Variants in NRCAM observed in about 807,000 individuals in gnomAD.
NRCAM encodes the protein neuronal cell adhesion molecule, also known as NgCAM-related cell adhesion molecule.
A neutral mutation model predicts 156.5 loss-of-function variants in NRCAM; 83 were observed. The observed-to-expected ratio is 0.53, with a 90% CI of 0.44 to 0.64. The LOEUF (loss-of-function observed/expected upper bound fraction) is 0.64. NRCAM is among the 30% of genes least tolerant of loss of function. NRCAM has a pLI of 0.00. For synonymous variants in NRCAM, 538 were observed against 563.9 expected (o/e 0.95, Z 0.65); for missense variants, 1,417 against 1,597.3 (o/e 0.89, Z 1.92).
At chr7:108,361,980 G>A (rs146325535) in intron 2 of NRCAM, among the ~76,000 whole-genome samples, 198 of 152,158 alleles carry the variant, frequency 1.3e-3, no homozygotes, top group African/African-American at 3.6e-3. Flanking sequence ...AGTTGAAAAC[G>A]TATGTCAACA....
At chr7:108,409,222 C>A (rs530621515) in intron 1 of NRCAM, among the ~76,000 whole-genome samples, 1 of 152,304 alleles carries the variant, frequency 6.6e-6, no homozygotes, top group South Asian at 2.1e-4. Context: ...AGACTGCTGA[C>A]CACTATCACT....
intron 25 of NRCAM, among the ~76,000 whole-genome samples, chr7:108,179,461 A>C (rs2062346024): frequency 6.6e-6 from 1 of 152,210 alleles, no homozygotes; most frequent in South Asian, 2.1e-4. Context: ...TACAGAAGCT[A>C]TCTGGCCATT....
intron 2 of NRCAM, among the ~76,000 whole-genome samples, chr7:108,336,885 T>C (rs186800583): frequency 2.6e-5 from 4 of 152,324 alleles, no homozygotes; most frequent in East Asian, 1.9e-4. Flanking sequence ...CTAGATAAGA[T>C]AGAAAATTCT....
intron 1 of NRCAM, among the ~76,000 whole-genome samples, chr7:108,424,320 G>T (rs563578385): frequency 1.4e-4 from 21 of 152,318 alleles, no homozygotes; most frequent in Admixed American, 3.9e-4. Flanking sequence ...TAGCCATTCT[G>T]TTCAGTAAGA....
chr7:108,313,273 G>A (rs1437859937), intron 2 of NRCAM: 1 of 152,154 alleles, frequency 6.6e-6, no homozygotes, highest in African/African-American at 2.4e-5. Context: ...CCTCTCGTCA[G>A]CCTCAATGTT....
At chr7:108,396,139 T>A (rs1279789271) in intron 2 of NRCAM, among the ~76,000 whole-genome samples, 1 of 152,158 alleles carries the variant, frequency 6.6e-6, no homozygotes, top group Non-Finnish European at 1.5e-5. Flanking sequence ...GTGTCTATCA[T>A]GCAGCGAATA....
In NRCAM at chr7:108,313,559, A is replaced by C. The variant is rs191429528; in HGVS notation, c.-173-828T>G. Among the ~76,000 whole-genome samples, 407 of 152,360 alleles carry C rather than the reference A, an allele frequency of 2.7e-3. 3 individuals are homozygous for C. The highest frequency in any genetic ancestry group is 3.6e-3 in the Non-Finnish European group (245 of 68,034). On this transcript the variant is annotated intron_variant, in intron 2 of 32. Transcript: ENST00000379028. The stretch of plus-strand genomic sequence containing the variant: ...AAATATTAGGACAACTATGAAACAC[A>C]AAATTATTCCGTTAATAAAAGATGC...
intron 11 of NRCAM, among the ~76,000 whole-genome samples, chr7:108,219,131 A>G (rs776939836): frequency 2.0e-5 from 3 of 152,174 alleles, no homozygotes; most frequent in Non-Finnish European, 4.4e-5. Context: ...AATTCCTGGA[A>G]AAATACAACC....
At chr7:108,432,037 A>C (rs189939470) in intron 1 of NRCAM, among the ~76,000 whole-genome samples, 3 of 152,334 alleles carry the variant, frequency 2.0e-5, no homozygotes, top group Middle Eastern at 3.4e-3. Flanking sequence ...GGAGGGAAGA[A>C]GACAGGCAAT....
At chr7:108,340,692 C>T (rs1389181976) in intron 2 of NRCAM, among the ~76,000 whole-genome samples, 1 of 152,150 alleles carries the variant, frequency 6.6e-6, no homozygotes, top group African/African-American at 2.4e-5. Context: ...GGAAAAAGCC[C>T]ATGAATTATT....
intron 3 of NRCAM, among the ~76,000 whole-genome samples, chr7:108,303,165 T>A (rs1212713583): frequency 6.6e-6 from 1 of 152,128 alleles, no homozygotes; most frequent in East Asian, 1.9e-4. Context: ...TTTCACCATG[T>A]TGGCCAGGCT....
intron 30 of NRCAM, among the ~76,000 whole-genome samples, chr7:108,163,648 TAAAAGAGG>T (rs1190399183): frequency 6.6e-6 from 1 of 151,472 alleles, no homozygotes; most frequent in Admixed American, 6.6e-5. Context: ...GGGACAGAGG[TAAAAGAGG>T]AAGGGGAGGT....
chr7:108,316,755 C>T (rs999591613), intron 2 of NRCAM, among the ~76,000 whole-genome samples: 5 of 151,226 alleles, frequency 3.3e-5, no homozygotes, highest in African/African-American at 1.2e-4. Context: ...CACCACTGCA[C>T]TCCAGCCTGG....
At chr7:108,209,038 G>A (rs113046965) in intron 12 of NRCAM, among the ~76,000 whole-genome samples, 5 of 152,220 alleles carry the variant, frequency 3.3e-5, no homozygotes, top group African/African-American at 1.2e-4. Context: ...AACTTCCCCA[G>A]TAATTAATTT....
In NRCAM at chr7:108,231,014, A is replaced by G. The variant is rs770603442; in HGVS notation, c.550+17T>C. On this transcript the variant is annotated intron_variant, in intron 8 of 32. Transcript: ENST00000379028. ...TAAGACTTTTAAAGAAAGAAAGTTC[A>G]TATTATCAAAACTTACAATTATCCA... 4.4e-6 allele frequency: 7 copies of G among 1,578,994 alleles called. No individual in the cohort carries two copies. The highest frequency in any genetic ancestry group is 1.1e-5 in the South Asian group (1 of 89,448).
At chr7:108,243,195 G>A (rs1473399541) in intron 3 of NRCAM, 1 of 151,966 alleles carries the variant, frequency 6.6e-6, no homozygotes, top group African/African-American at 2.4e-5. Context: ...AGAGGAGGAC[G>A]AAGCAATGGT....
intron 3 of NRCAM, among the ~76,000 whole-genome samples, chr7:108,299,793 G>A (rs114173573): frequency 0.01 from 1,541 of 152,252 alleles, 23 homozygotes; most frequent in African/African-American, 0.035. Context: ...GCATTCTGGT[G>A]GGCACATTTT....
At chr7:108,226,059 A>G in intron 9 of NRCAM, 149 bp downstream of exon 9, 1 of 625,684 alleles carries the variant, frequency 1.6e-6, no homozygotes, top group Non-Finnish European at 2.8e-6. Context: ...TCTTTATAAC[A>G]TATATGCCAA....
chr7:108,176,075 A>G (rs1001054929), intron 27 of NRCAM, among the ~76,000 whole-genome samples: 2 of 152,140 alleles, frequency 1.3e-5, no homozygotes, highest in Admixed American at 6.5e-5. Flanking sequence ...ATATGTGTGT[A>G]TTATGTGTAT....
Sources: allele counts gnomAD v4.1 joint callset (sites outside exome capture counted in the v4.1 genomes callset), GRCh38; gene constraint gnomAD v4.1.1; transcripts MANE v1.5; gene names NCBI Gene and HGNC (gene_info 2026-07-23, HGNC 2026-07-21).